The following SSC4D variants were observed in gnomAD, a reference collection of about 807,000 sequenced individuals.
The protein encoded by SSC4D is scavenger receptor cysteine-rich domain-containing group B protein.
A neutral mutation model predicts 63.4 loss-of-function variants in SSC4D; 57 were observed. The observed-to-expected ratio is 0.90, with a 90% CI of 0.73 to 1.12. The LOEUF is 1.12. Ranked by LOEUF, SSC4D falls within the 50% of genes most tolerant of loss-of-function variation. SSC4D has a pLI of 0.00. For missense variants in SSC4D, 791 were observed against 806.4 expected, an observed-to-expected ratio of 0.98 and a Z score of 0.23; for synonymous variants, 352 against 345.4, an observed-to-expected ratio of 1.02 and a Z score of -0.21.
chr7:76,406,479 A>AT (rs1038487806), intron 1 of SSC4D, among the ~76,000 whole-genome samples: 1 of 151,672 alleles, frequency 6.6e-6, no homozygotes, highest in Non-Finnish European at 1.5e-5. Context: ...ACTTTAAAGA[A>AT]TTTTTTTATT....
intron 4 of SSC4D, among the ~76,000 whole-genome samples, chr7:76,399,237 T>C (rs1804737329): frequency 6.6e-6 from 1 of 152,132 alleles, no homozygotes; most frequent in South Asian, 2.1e-4. Flanking sequence ...GGTCTTGAAC[T>C]CCTGACCTCA....
chr7:76,393,414 G>T lies in SSC4D; in HGVS notation c.1324C>A (p.Leu442Ile). The change falls in exon 9 of 11, where the codon CTC becomes ATC. Residue 442 changes from leucine (L) to isoleucine (I), a missense_variant. Transcript: ENST00000275560. The part of the protein sequence containing the change: ...NCGHHEDAGA[L>I]CAGPEELGLQ... ...TCGCTGTCAGCCTCACCTGCGCAGA[G>T]CGCTCCCGCGTCCTCGTGGTGGCCG... 6.8e-7 allele frequency: 1 copy of T among 1,477,478 alleles called. No homozygotes were observed. The highest frequency in any genetic ancestry group is 8.9e-7 in the Non-Finnish European group (1 of 1,117,808). 91.5% of individuals were successfully genotyped at this position (1,477,478 alleles called of 1,614,324 possible).
In SSC4D at chr7:76,400,333, C is replaced by A. The variant is rs906688545; in HGVS notation, c.428G>T (p.Gly143Val). The A allele has an allele frequency of 6.6e-7, 1 of 1,513,176 alleles. No individual in the cohort carries two copies. The highest frequency in any genetic ancestry group is 1.3e-5 in the South Asian group (1 of 78,548). The allele number at this position is 1,513,176 out of a possible 1,614,324, so 93.7% of individuals were successfully genotyped here. A position where few individuals can be genotyped will look rare whatever the true frequency, so the allele number is the denominator to read the frequency against. The part of the protein sequence containing the change: ...ALSECGSRGW[G>V]VHNCFHYEDV... ...CTCGTAGTGAAAGCAATTGTGGACG[C>A]CCCAGCCGCGGCTGCCGCACTCGCT... The change falls in exon 4 of 11, where the codon GGC becomes GTC. Residue 143 changes from glycine (G) to valine (V), a missense_variant. Physicochemically the swap from Gly to Val is moderately radical, Grantham distance 109. Coordinates refer to ENST00000275560, the MANE Select transcript of SSC4D (RefSeq NM_080744.2).
At chr7:76,404,224 C>A (rs1362802613) in intron 2 of SSC4D, 83 bp downstream of exon 2, 3 of 1,448,284 alleles carry the variant, frequency 2.1e-6, no homozygotes, top group Non-Finnish European at 2.7e-6. Context: ...TCATTCACAA[C>A]CCTCCTCCTA....
chr7:76,398,585 G>T, intron 5 of SSC4D, 135 bp downstream of exon 5: 1 of 1,009,250 alleles, frequency 9.9e-7, no homozygotes, highest in Non-Finnish European at 1.5e-6. Flanking sequence ...GATTACAGGT[G>T]TGAGCCACCA....
Position 76,397,846 on chromosome 7 carries a change from C to A in SSC4D, c.554-14G>T, listed in dbSNP as rs1176396502. The A allele has an allele frequency of 2.6e-6, 4 of 1,532,302 alleles. No individual in the cohort carries two copies. The African/African-American group carries it at 4.1e-5, about 16-fold the overall frequency. The allele number at this position is 1,532,302 out of a possible 1,614,324, so 94.9% of individuals were successfully genotyped here. Reference sequence around the variant, plus strand: ...CGCTGCCCTCACCTGGGGATGGGGGCGGGGGTCAGGGCGCATCTCCCACTG... The same window carrying A: ...CGCTGCCCTCACCTGGGGATGGGGGAGGGGGTCAGGGCGCATCTCCCACTG... On this transcript the variant is annotated splice_polypyrimidine_tract_variant and intron_variant, in intron 5 of 10. Coordinates refer to ENST00000275560, the MANE Select transcript of SSC4D (RefSeq NM_080744.2).
chr7:76,395,765 C>T (rs557106578), intron 6 of SSC4D, among the ~76,000 whole-genome samples: 2 of 152,346 alleles, frequency 1.3e-5, no homozygotes, highest in Admixed American at 6.5e-5. Context: ...GATCTCCGCT[C>T]ACTGCAACCT....
intron 1 of SSC4D, among the ~76,000 whole-genome samples, chr7:76,406,417 G>A (rs933554443): frequency 6.6e-5 from 10 of 152,014 alleles, no homozygotes; most frequent in Non-Finnish European, 1.3e-4. Context: ...CTGGTTTTCC[G>A]TTTATCAGAA....
At chr7:76,401,966 A>T (rs896196538) in intron 2 of SSC4D, among the ~76,000 whole-genome samples, 3 of 152,060 alleles carry the variant, frequency 2.0e-5, no homozygotes, top group Non-Finnish European at 4.4e-5. Context: ...TTTGGGATTC[A>T]TCATATTTCC....
Position 76,397,795 on chromosome 7 carries a change from C to G in SSC4D, c.591G>C (p.Leu197=). Residue 197 remains leucine, a synonymous_variant, in exon 6 of 11, where the codon CTG becomes CTC. Coordinates refer to ENST00000275560, the MANE Select transcript of SSC4D (RefSeq NM_080744.2). ...GSVRLVGGAN[L]CQGRVEILHS... is the part of the protein sequence containing the mutation. Reference sequence around the variant, plus strand: ...GCAGGATCTCCACTCGGCCCTGACACAGGTTCGCGCCCCCTACCAGGCGTA... The same window carrying G: ...GCAGGATCTCCACTCGGCCCTGACAGAGGTTCGCGCCCCCTACCAGGCGTA... 1 of 1,603,136 alleles carries G rather than the reference C, an allele frequency of 6.2e-7. No homozygotes were observed.
chr7:76,391,976 G>T lies in SSC4D; in HGVS notation c.1399C>A (p.Arg467=). ...GSETTRVPTP[R]PRDGHLRLVN... Reference sequence around the variant, plus strand: ...TATGGGCACCTACCGTCCCTGGGCCGAGGAGTGGGCACCCGCGTGGTCTCA... The same window carrying T: ...TATGGGCACCTACCGTCCCTGGGCCTAGGAGTGGGCACCCGCGTGGTCTCA... The change falls in exon 10 of 11, where the codon CGG becomes AGG. Residue 467 remains arginine (R), a synonymous_variant. Coordinates refer to ENST00000275560, the MANE Select transcript of SSC4D (RefSeq NM_080744.2). 6.3e-7 allele frequency: 1 copy of T among 1,594,842 alleles called. No homozygotes were observed. Among genetic ancestry groups the T allele is most frequent in the East Asian group, 2.3e-5 (1 of 44,190 alleles).
rs1299503678 is a variant in SSC4D at position 76,404,397 on chromosome 7, C to T, written c.43G>A (p.Glu15Lys). 2.4e-5 allele frequency: 39 copies of T among 1,613,954 alleles called. No homozygotes were observed. Among genetic ancestry groups the T allele is most frequent in the Non-Finnish European group, 3.2e-5 (38 of 1,180,018 alleles). ...CCCAACCTCCACCCCCAGCGCTTCT[C>T]ATCCAGCTGGGGACCAATTAGCATC... Reference protein sequence around the residue: ...AEMLIGPQLDEKRWGWRLGDG... With the variant: ...AEMLIGPQLDKKRWGWRLGDG... The change falls in exon 2 of 11, where the codon GAG becomes AAG. Residue 15 changes from glutamate to lysine, a missense_variant. Physicochemically the swap from Glu to Lys is moderately conservative, Grantham distance 56. Coordinates refer to ENST00000275560, the MANE Select transcript of SSC4D (RefSeq NM_080744.2).
At position 76,400,311 on chromosome 7, in the gene SSC4D, G is replaced by A. The variant is rs138497833; in HGVS notation, c.450C>T (p.Tyr150=). The A allele has an allele frequency of 2.3e-5, 34 of 1,500,460 alleles. No homozygotes were observed. The East Asian group carries it at 3.4e-4, about 15-fold the overall frequency. 92.9% of individuals were successfully genotyped at this position (1,500,460 alleles called of 1,614,324 possible). Residue 150 remains tyrosine (Y), a synonymous_variant, in exon 4 of 11, where the codon TAC becomes TAT. Coordinates refer to ENST00000275560, the MANE Select transcript of SSC4D (RefSeq NM_080744.2). ...RGWGVHNCFH[Y]EDVAVLCDEF... ...CATCACACAGGACAGCCACATCCTC[G>A]TAGTGAAAGCAATTGTGGACGCCCC...
Position 76,397,525 on chromosome 7 carries a change from G to A in SSC4D, c.861C>T (p.Leu287=). 6.4e-7 allele frequency: 1 copy of A among 1,558,460 alleles called. No homozygotes were observed. The highest frequency in any genetic ancestry group is 8.7e-7 in the Non-Finnish European group (1 of 1,153,148). ...CGCCCCTAGAGCCCGCACCTGCGCA[G>A]AGCGCGCCCGCGTCCTCGTGGTGGC... ...NCGHHEDAGA[L]CAGLGPPTLT... The change falls in exon 6 of 11, where the codon CTC becomes CTT. Residue 287 remains leucine, a synonymous_variant. Coordinates refer to ENST00000275560, the MANE Select transcript of SSC4D (RefSeq NM_080744.2).
rs1324898991 is a variant in SSC4D, at chr7:76,395,281, C to T, written c.918G>A (p.Glu306=). The T allele has an allele frequency of 6.2e-7, 1 of 1,613,820 alleles. No homozygotes were observed. Among genetic ancestry groups the T allele is most frequent in the Non-Finnish European group, 8.5e-7 (1 of 1,180,050 alleles). Residue 306 remains glutamate (E), a synonymous_variant, in exon 7 of 11, where the codon GAG becomes GAA. Transcript: ENST00000275560. ...LTALPSSATR[E]DWAWQTDPSA... ...ACGGATCTGTCTGCCAAGCCCAGTC[C>T]TCTCTTGTGGCTGAGGATGGCAGTG...
intron 10 of SSC4D, among the ~76,000 whole-genome samples, chr7:76,390,816 C>CA (rs1804480500): frequency 6.6e-6 from 1 of 151,238 alleles, no homozygotes; most frequent in Admixed American, 6.6e-5. Flanking sequence ...GACTTCGTCT[C>CA]AAAAAAACAA....
chr7:76,390,599 C>T (rs1057463840), intron 10 of SSC4D, among the ~76,000 whole-genome samples: 6 of 152,186 alleles, frequency 3.9e-5, no homozygotes, highest in African/African-American at 1.2e-4. Flanking sequence ...AGGCGGATCA[C>T]GAGATTAGGA....
chr7:76,394,005 A>C, intron 7 of SSC4D, 101 bp from the exon 8 acceptor site: 2 of 1,187,944 alleles, frequency 1.7e-6, no homozygotes, highest in Non-Finnish European at 2.4e-6. Flanking sequence ...ACCCTACCAC[A>C]CCCGTACCCC....
At chr7:76,398,884 AT>A in intron 4 of SSC4D, 87 bp from the exon 5 acceptor site, 1 of 1,396,514 alleles carries the variant, frequency 7.2e-7, no homozygotes, top group Non-Finnish European at 1.0e-6. Flanking sequence ...GGATGGACCC[AT>A]AAGGTGCTTG....
Sources: gnomAD v4.1 joint callset for allele counts (sites outside exome capture counted in the v4.1 genomes callset) on GRCh38, gnomAD v4.1.1 for gene constraint, MANE v1.5 for transcripts, NCBI Gene and HGNC (gene_info 2026-07-23, HGNC 2026-07-21) for gene names.